The following NUBPL variants were observed in gnomAD, a reference collection of about 807,000 sequenced individuals.
NUBPL encodes the protein NUBP iron-sulfur cluster assembly factor, mitochondrial.
A neutral mutation model predicts 45.7 loss-of-function variants in NUBPL; 31 were observed. The observed-to-expected ratio is 0.68, with a 90% confidence interval of 0.51 to 0.92. The LOEUF is 0.92. Ranked by LOEUF, NUBPL falls within the 40% of genes least tolerant of loss-of-function variation. The pLI, the probability that NUBPL is intolerant of heterozygous loss-of-function variation, is 0.00. For missense variants in NUBPL, 401 were observed against 398.7 expected (o/e 1.01, Z -0.05); for synonymous variants, 144 against 140.9 (o/e 1.02, Z -0.15).
At chr14:31,762,627 A>G (rs1246272891) in intron 6 of NUBPL, among the ~76,000 whole-genome samples, 1 of 152,222 alleles carries the variant, frequency 6.6e-6, no homozygotes, top group East Asian at 1.9e-4. Flanking sequence ...TGAAAGCTTC[A>G]TATACAGAAC....
intron 9 of NUBPL, among the ~76,000 whole-genome samples, chr14:31,847,777 A>C (rs1295720293): frequency 6.6e-6 from 1 of 152,192 alleles, no homozygotes; most frequent in East Asian, 1.9e-4. Context: ...ATTGTTATGC[A>C]TTTGCACTAT....
intron 3 of NUBPL, among the ~76,000 whole-genome samples, chr14:31,588,490 A>G (rs990719034): frequency 6.6e-6 from 1 of 152,176 alleles, no homozygotes; most frequent in African/African-American, 2.4e-5. Context: ...CAGGTAAGAA[A>G]ATTGAGGTTT....
Position 31,742,769 on chromosome 14 carries a change from AT to A in NUBPL, c.514-44994del, listed in dbSNP as rs34130229. On this transcript the variant is annotated intron_variant, in intron 6 of 10. Coordinates refer to ENST00000281081, the MANE Select transcript of NUBPL (RefSeq NM_025152.3). ...CAGGTGTGTGCCACCAACCCAGCTG[AT>A]TTTTTTTTTTTTTTTTGGTAGAGGT... 5.2e-3 allele frequency among the ~76,000 whole-genome samples: 706 copies of A among 136,328 alleles called. 2 individuals carry two copies. The highest frequency in any genetic ancestry group is 9.5e-3 in the African/African-American group (352 of 37,038). The allele number at this position is 136,328 out of a possible 152,430, so 89.4% of individuals were successfully genotyped here. A position where few individuals can be genotyped will look rare whatever the true frequency, so the allele number is the denominator to read the frequency against.
chr14:31,680,413 A>C lies in NUBPL; in HGVS notation c.513+6839A>C, dbSNP rs138224131. ...TTCCTTCCTGTTTCCTTGTTTCTTG[A>C]AAGTTTTTATTGTTAATCATAAATG... On this transcript the variant is annotated intron_variant, in intron 6 of 10. Coordinates refer to ENST00000281081, the MANE Select transcript of NUBPL (RefSeq NM_025152.3). Among the ~76,000 whole-genome samples the C allele has an allele frequency of 1.4e-4, 22 of 152,140 alleles. No homozygotes were observed. The East Asian group carries it at 4.0e-3, about 28-fold the overall frequency.
chr14:31,593,824 A>C (rs2034213084), intron 3 of NUBPL, among the ~76,000 whole-genome samples: 2 of 152,178 alleles, frequency 1.3e-5, no homozygotes, highest in Admixed American at 6.5e-5. Flanking sequence ...TTGAGGGAAT[A>C]GCAACTGCAA....
At chr14:31,657,308 A>G (rs774511137) in intron 4 of NUBPL, among the ~76,000 whole-genome samples, 1 of 152,218 alleles carries the variant, frequency 6.6e-6, no homozygotes, top group Non-Finnish European at 1.5e-5. Context: ...GGCCATTCAT[A>G]TAAGCTTTCA....
intron 4 of NUBPL, among the ~76,000 whole-genome samples, chr14:31,636,875 C>T (rs965357653): frequency 1.3e-5 from 2 of 152,272 alleles, no homozygotes; most frequent in African/African-American, 4.8e-5. Flanking sequence ...AGTTTATTTG[C>T]ATAGAGTTGT....
chr14:31,711,996 T>C (rs2037583113), intron 6 of NUBPL, among the ~76,000 whole-genome samples: 1 of 152,136 alleles, frequency 6.6e-6, no homozygotes, highest in Non-Finnish European at 1.5e-5. Context: ...GTAAAGGTGG[T>C]GCAGACCCAA....
chr14:31,641,592 T>G (rs1269906425), intron 4 of NUBPL, among the ~76,000 whole-genome samples: 1 of 152,212 alleles, frequency 6.6e-6, no homozygotes, highest in Non-Finnish European at 1.5e-5. Context: ...TGAGGAGTAC[T>G]TAGGTTTATT....
chr14:31,859,353 A>C lies in NUBPL; in HGVS notation c.*173A>C. The C allele has an allele frequency of 1.5e-6, 1 of 662,200 alleles. No individual in the cohort carries two copies. Among genetic ancestry groups the C allele is most frequent in the Non-Finnish European group, 2.7e-6 (1 of 368,358 alleles). The allele number at this position is 662,200 out of a possible 1,614,324, so 41.0% of individuals were successfully genotyped here. A position where few individuals can be genotyped will look rare whatever the true frequency, so the allele number is the denominator to read the frequency against. ...GCTAAGGTTCACAAAACTTTGATGT[A>C]TCAATGTTAACTGCTATATTTAGGA... is the stretch of plus-strand genomic sequence containing the variant. On this transcript the variant is annotated 3_prime_UTR_variant, in exon 11 of 11. Transcript: ENST00000281081.
At chr14:31,574,123 A>T (rs565651366) in intron 3 of NUBPL, among the ~76,000 whole-genome samples, 15 of 152,250 alleles carry the variant, frequency 9.9e-5, no homozygotes, top group Non-Finnish European at 2.1e-4. Context: ...AAGTAATTAA[A>T]ATCTGAGATA....
At position 31,604,179 on chromosome 14, in the gene NUBPL, GAA is replaced by G. The variant is rs34844125; in HGVS notation, c.382+4816_382+4817del. On this transcript the variant is annotated intron_variant, in intron 4 of 10. Coordinates refer to ENST00000281081, the MANE Select transcript of NUBPL (RefSeq NM_025152.3). The stretch of plus-strand genomic sequence containing the variant: ...AGGTACTGGAAATCTTGGAAAGGCT[GAA>G]AAAAAAAAAAAAAAACACTTTCTCT... Among the ~76,000 whole-genome samples, 391 of 121,958 alleles carry G rather than the reference GAA, an allele frequency of 3.2e-3. 1 individual carries two copies. Among genetic ancestry groups the G allele is most frequent in the African/African-American group, 8.0e-3 (242 of 30,150 alleles). 80.0% of individuals were successfully genotyped at this position (121,958 alleles called of 152,430 possible).
At chr14:31,683,303 G>A (rs954627345) in intron 6 of NUBPL, among the ~76,000 whole-genome samples, 1 of 149,604 alleles carries the variant, frequency 6.7e-6, no homozygotes, top group Non-Finnish European at 1.5e-5. Context: ...CTCACATACA[G>A]TGCTATAAAA....
At chr14:31,676,733 CAA>C (rs1349528741) in intron 6 of NUBPL, among the ~76,000 whole-genome samples, 12 of 151,688 alleles carry the variant, frequency 7.9e-5, no homozygotes, top group African/African-American at 2.9e-4. Context: ...CGTGTCTGTT[CAA>C]GTCTTCTACT....
intron 8 of NUBPL, among the ~76,000 whole-genome samples, chr14:31,837,788 A>G (rs1207147963): frequency 6.6e-6 from 1 of 152,214 alleles, no homozygotes; most frequent in Non-Finnish European, 1.5e-5. Flanking sequence ...AAAAAATGTA[A>G]AACATATAGT....
intron 6 of NUBPL, among the ~76,000 whole-genome samples, chr14:31,762,619 A>C (rs1360572349): frequency 3.9e-5 from 6 of 152,206 alleles, no homozygotes; most frequent in African/African-American, 1.2e-4. Flanking sequence ...AGTATTCATG[A>C]AAGCTTCATA....
chr14:31,733,529 A>G (rs1027592684), intron 6 of NUBPL, among the ~76,000 whole-genome samples: 2 of 152,146 alleles, frequency 1.3e-5, no homozygotes, highest in Non-Finnish European at 2.9e-5. Context: ...AGTATTTTAT[A>G]GGTTAATAAA....
chr14:31,724,990 C>T (rs2037889533), intron 6 of NUBPL, among the ~76,000 whole-genome samples: 1 of 150,674 alleles, frequency 6.6e-6, no homozygotes, highest in African/African-American at 2.4e-5. Context: ...GCACAAGTGT[C>T]AAGTGAGCAA....
At chr14:31,855,532 T>C (rs2040602701) in intron 10 of NUBPL, among the ~76,000 whole-genome samples, 1 of 152,168 alleles carries the variant, frequency 6.6e-6, no homozygotes, top group South Asian at 2.1e-4. Context: ...ATGATGCTTG[T>C]TTTACGTGTC....
Sources: allele counts gnomAD v4.1 joint callset (sites outside exome capture counted in the v4.1 genomes callset), GRCh38; gene constraint gnomAD v4.1.1; transcripts MANE v1.5; gene names NCBI Gene and HGNC (gene_info 2026-07-23, HGNC 2026-07-21).